The following METAP1D variants were observed in gnomAD, a reference collection of about 807,000 sequenced individuals.
METAP1D encodes methionine aminopeptidase 1D, mitochondrial.
METAP1D carries 31 observed loss-of-function variants against 40.5 expected under a neutral mutation model. That is an observed-to-expected ratio of 0.77 (90% confidence interval 0.58 to 1.03). METAP1D has a LOEUF of 1.03. Among genes scored for constraint, METAP1D ranks in the 50% least tolerant of loss-of-function variants. The probability of loss-of-function intolerance (pLI) is 0.00; values close to 1 mark genes in which losing one functional copy is unlikely to be tolerated. For missense variants in METAP1D, 411 were observed against 420.7 expected, an observed-to-expected ratio of 0.98 and a Z score of 0.20; for synonymous variants, 151 against 146.4, an observed-to-expected ratio of 1.03 and a Z score of -0.22.
At chr2:172,011,940 G>C (rs1179672198) in intron 1 of METAP1D, among the ~76,000 whole-genome samples, 1 of 152,124 alleles carries the variant, frequency 6.6e-6, no homozygotes, top group Non-Finnish European at 1.5e-5. Flanking sequence ...GTAAGGATGT[G>C]GTAAAATTAC....
At chr2:172,011,596 T>G (rs1380838512) in intron 1 of METAP1D, among the ~76,000 whole-genome samples, 1 of 152,188 alleles carries the variant, frequency 6.6e-6, no homozygotes, top group African/African-American at 2.4e-5. Context: ...ATCTTTCTGT[T>G]TCTATAGATT....
chr2:172,014,286 A>G (rs1237577942), intron 1 of METAP1D, among the ~76,000 whole-genome samples: 1 of 149,042 alleles, frequency 6.7e-6, no homozygotes, highest in African/African-American at 2.5e-5. Context: ...TAATTTTTGT[A>G]TTTTTAATAG....
intron 1 of METAP1D, among the ~76,000 whole-genome samples, chr2:172,059,980 G>A (rs1690099219): frequency 6.6e-6 from 1 of 152,162 alleles, no homozygotes; most frequent in Non-Finnish European, 1.5e-5. Context: ...GGACCTGGGA[G>A]GCGGAGGTTG....
chr2:172,068,857 C>CCTTT lies in METAP1D; in HGVS notation c.541-2050_541-2049insCTTT, dbSNP rs569341971. ...TCCTTCCTTCCTTCCTTCCTTCCTT[C>CCTTT]GTTCCTCCCTTCCTCCCTCCCTTCC... On this transcript the variant is annotated intron_variant, in intron 5 of 9. Transcript: ENST00000315796. Among the ~76,000 whole-genome samples, 144 of 152,002 alleles carry CCTTT rather than the reference C, an allele frequency of 9.5e-4. 18 individuals are homozygous for CCTTT. In the East Asian group the frequency reaches 0.024, roughly 25 times the overall value.
intron 8 of METAP1D, 108 bp from the exon 9 acceptor site, chr2:172,080,020 G>A (rs58045367): frequency 0.17 from 157,056 of 902,670 alleles, 14,371 homozygotes; most frequent in Non-Finnish European, 0.19. Context: ...TGTGGGGGAA[G>A]CACTTGAGGG....
intron 2 of METAP1D, among the ~76,000 whole-genome samples, chr2:172,062,456 C>T (rs1404329793): frequency 6.6e-6 from 1 of 152,208 alleles, no homozygotes; most frequent in Non-Finnish European, 1.5e-5. Flanking sequence ...ACAAAACTGA[C>T]ACTTTTTTCC....
intron 5 of METAP1D, 57 bp downstream of exon 5, chr2:172,066,363 C>A: frequency 7.2e-7 from 1 of 1,393,156 alleles, no homozygotes; most frequent in Non-Finnish European, 1.0e-6. Flanking sequence ...CTGGTAGCAA[C>A]AGGAAGAGTG....
intron 1 of METAP1D, among the ~76,000 whole-genome samples, chr2:172,011,815 G>A (rs1372281710): frequency 1.3e-5 from 2 of 152,064 alleles, no homozygotes; most frequent in African/African-American, 2.4e-5. Context: ...CTACTTTTTA[G>A]TTCTTATGAA....
Position 172,061,519 on chromosome 2 carries a change from C to T in METAP1D, c.62C>T (p.Ser21Leu). 1.2e-6 allele frequency: 2 copies of T among 1,611,448 alleles called. No individual in the cohort carries two copies. The highest frequency in any genetic ancestry group is 1.7e-6 in the Non-Finnish European group (2 of 1,179,240). ...VRRGSHRIFSSPLNHIYLHKQ... is the reference protein window; with the variant it reads ...VRRGSHRIFSLPLNHIYLHKQ... Reference sequence around the variant, plus strand: ...ACAGGTTCTCATAGAATTTTCTCTTCACCACTCAATCATATCTACTTACAC... The same window carrying T: ...ACAGGTTCTCATAGAATTTTCTCTTTACCACTCAATCATATCTACTTACAC... The change falls in exon 2 of 10, where the codon TCA (serine) becomes TTA (leucine). Residue 21 changes from serine to leucine, a missense_variant. By Grantham distance (145) the Ser-to-Leu change is moderately radical (BLOSUM62 -2). Transcript: ENST00000315796.
chr2:172,049,654 G>A (rs984975094), intron 1 of METAP1D, among the ~76,000 whole-genome samples: 1 of 152,134 alleles, frequency 6.6e-6, no homozygotes, highest in African/African-American at 2.4e-5. Context: ...GCTGCCTTCA[G>A]AAAATTTGGA....
Position 172,042,459 on chromosome 2 carries a change from A to G in METAP1D, c.41-19039A>G, listed in dbSNP as rs988719168. Among the ~76,000 whole-genome samples the G allele has an allele frequency of 3.8e-4, 11 of 28,888 alleles. 4 individuals are homozygous for G. The highest frequency in any genetic ancestry group is 1.5e-3 in the Admixed American group (3 of 1,954). The allele number at this position is 28,888 out of a possible 152,430, so 19.0% of individuals were successfully genotyped here. A position where few individuals can be genotyped will look rare whatever the true frequency, so the allele number is the denominator to read the frequency against. ...TATGTATGTGTACATGCGTACATAT[A>G]TACATATATACATATGTGTGTGTAC... On this transcript the variant is annotated intron_variant, in intron 1 of 9. Coordinates refer to ENST00000315796, the MANE Select transcript of METAP1D (RefSeq NM_199227.3).
intron 5 of METAP1D, 24 bp from the exon 6 acceptor site, chr2:172,070,883 T>A (rs779783775): frequency 6.4e-7 from 1 of 1,563,662 alleles, no homozygotes; most frequent in Middle Eastern, 1.7e-4. Flanking sequence ...AAGGACATAT[T>A]TTTAAATTTC....
At chr2:172,045,805 GTGTGTGTGTGTGTGTATATATATA>G (rs1275006784) in intron 1 of METAP1D, among the ~76,000 whole-genome samples, 1 of 29,802 alleles carries the variant, frequency 3.4e-5, no homozygotes, top group Non-Finnish European at 7.3e-5. Context: ...ATATGTGTGT[GTGTGTGTGTGTGTGTATATATATA>G]TATATATATA....
intron 1 of METAP1D, among the ~76,000 whole-genome samples, chr2:172,042,291 G>A (rs1574116309): frequency 3.4e-5 from 1 of 29,690 alleles, no homozygotes; most frequent in Non-Finnish European, 7.2e-5. Flanking sequence ...ATATGTATGT[G>A]TACATGTGTA....
intron 1 of METAP1D, among the ~76,000 whole-genome samples, chr2:172,045,807 GTGTGTGTGTGTGTATATA>G (rs1371231543): frequency 2.5e-3 from 134 of 52,832 alleles, no homozygotes; most frequent in Non-Finnish European, 4.0e-3. Context: ...ATGTGTGTGT[GTGTGTGTGTGTGTATATA>G]TATATATATA....
intron 1 of METAP1D, among the ~76,000 whole-genome samples, chr2:172,012,426 G>C (rs1688751443): frequency 6.6e-6 from 1 of 152,140 alleles, no homozygotes; most frequent in Non-Finnish European, 1.5e-5. Flanking sequence ...CAGCTAGATA[G>C]CAACGTGATG....
At chr2:172,072,103 C>G (rs1298932870) in intron 6 of METAP1D, among the ~76,000 whole-genome samples, 2 of 151,994 alleles carry the variant, frequency 1.3e-5, no homozygotes, top group Non-Finnish European at 2.9e-5. Context: ...GCTAACTAGC[C>G]TGGGAAAAAA....
intron 5 of METAP1D, among the ~76,000 whole-genome samples, chr2:172,068,807 C>A (rs1690351482): frequency 6.6e-6 from 1 of 152,150 alleles, no homozygotes; most frequent in Admixed American, 6.5e-5. Context: ...GCCACTGCAC[C>A]AGTCTCAAAT....
chr2:172,071,558 A>C (rs1690421089), intron 6 of METAP1D, among the ~76,000 whole-genome samples: 1 of 152,164 alleles, frequency 6.6e-6, no homozygotes, highest in South Asian at 2.1e-4. Flanking sequence ...ATAGCCTGAA[A>C]CGGTGATCTT....
Sources: gnomAD v4.1 joint callset for allele counts (sites outside exome capture counted in the v4.1 genomes callset) on GRCh38, gnomAD v4.1.1 for gene constraint, MANE v1.5 for transcripts, NCBI Gene and HGNC (gene_info 2026-07-23, HGNC 2026-07-21) for gene names.